The following CABIN1 variants were observed in gnomAD, a reference collection of about 807,000 sequenced individuals.
CABIN1 encodes the protein calcineurin binding protein 1.
CABIN1 carries 133 observed loss-of-function variants against 227.7 expected under a neutral mutation model. That is an observed-to-expected ratio of 0.58 (90% CI 0.51 to 0.67). The LOEUF (loss-of-function observed/expected upper bound fraction) is 0.67. CABIN1 is among the 30% of genes least tolerant of loss of function. The probability of loss-of-function intolerance (pLI) is 0.00; values close to 1 mark genes in which losing one functional copy is unlikely to be tolerated. For synonymous variants in CABIN1, 1,086 were observed against 1,155.1 expected (o/e 0.94, Z 1.21); for missense variants, 2,408 against 2,852.5 (o/e 0.84, Z 3.55).
rs144212664 is a variant in CABIN1, at chr22:24,091,711, G to A, written c.3654G>A (p.Lys1218=). The change falls in exon 24 of 37, where the codon AAG becomes AAA. Residue 1218 remains lysine (K), a synonymous_variant. Coordinates refer to ENST00000263119, the MANE Select transcript of CABIN1 (RefSeq NM_012295.4). ...ACATGCTGGGCAAGGTGGCTGAGAA[G>A]CAGCAGCAGCCACCCACCGTTTACT... ...IHYMLGKVAE[K]QQQPPTVYLL... The A allele has an allele frequency of 6.8e-6, 11 of 1,614,022 alleles. No individual in the cohort carries two copies. In the African/African-American group the frequency reaches 1.3e-4, roughly 20 times the overall value.
intron 20 of CABIN1, 125 bp from the exon 21 acceptor site, chr22:24,084,454 T>C: frequency 1.2e-6 from 1 of 857,432 alleles, no homozygotes; most frequent in Non-Finnish European, 2.0e-6. Flanking sequence ...GGATTTGTTT[T>C]AGGCTCTCCA....
intron 19 of CABIN1, among the ~76,000 whole-genome samples, chr22:24,079,729 C>T (rs1205634272): frequency 6.6e-6 from 1 of 152,144 alleles, no homozygotes. Context: ...ACATGATTTG[C>T]CCATCTTTCT....
chr22:24,095,859 T>G, intron 24 of CABIN1, 72 bp from the exon 25 acceptor site: 1 of 1,567,256 alleles, frequency 6.4e-7, no homozygotes, highest in Non-Finnish European at 8.8e-7. Context: ...ATTTCCAGTG[T>G]GGCTGACTGG....
chr22:24,074,999 C>A (rs1444705256), intron 18 of CABIN1, among the ~76,000 whole-genome samples: 1 of 152,040 alleles, frequency 6.6e-6, no homozygotes, highest in Non-Finnish European at 1.5e-5. Context: ...TTGAAGCCAG[C>A]CCAGGCAACG....
chr22:24,087,747 C>A lies in CABIN1; in HGVS notation c.3525+34C>A. On this transcript the variant is annotated intron_variant, in intron 23 of 36. Transcript: ENST00000263119. ...GGGGTGCTGCAGATGGGCTTGCCAT[C>A]CTTCTGTCCAGACAGAGTGCCCTCA... is the stretch of plus-strand genomic sequence containing the variant. The A allele has an allele frequency of 1.9e-6, 3 of 1,612,022 alleles. 1 individual carries two copies. In the South Asian group the frequency reaches 3.3e-5, roughly 18 times the overall value.
At chr22:24,137,967 G>A (rs2044520007) in intron 29 of CABIN1, among the ~76,000 whole-genome samples, 1 of 152,148 alleles carries the variant, frequency 6.6e-6, no homozygotes, top group Non-Finnish European at 1.5e-5. Flanking sequence ...AAAGGCAGTA[G>A]GTGGGTGCTG....
rs2042131443 is a variant in CABIN1 at position 24,100,348 on chromosome 22, T to C, written c.4117+2156T>C. Among the ~76,000 whole-genome samples, 3 of 152,204 alleles carry C rather than the reference T, an allele frequency of 2.0e-5. No individual in the cohort carries two copies. In the South Asian group the frequency reaches 6.2e-4, roughly 31 times the overall value. ...CATGAAAATGTTTGGGGTCCTAAAA[T>C]AGCTGTGATCTTAGAATGTTAAAGT... On this transcript the variant is annotated intron_variant, in intron 26 of 36. Transcript: ENST00000263119.
At chr22:24,110,256 G>A (rs1169480501) in intron 26 of CABIN1, among the ~76,000 whole-genome samples, 1 of 152,042 alleles carries the variant, frequency 6.6e-6, no homozygotes, top group Non-Finnish European at 1.5e-5. Context: ...GTTGCCTTAG[G>A]GTTAACAAAA....
intron 29 of CABIN1, among the ~76,000 whole-genome samples, chr22:24,149,502 T>C (rs193002728): frequency 9.9e-4 from 150 of 152,144 alleles, no homozygotes; most frequent in African/African-American, 3.4e-3. Flanking sequence ...CTGAGGTCAG[T>C]GGGGGAGAAG....
intron 30 of CABIN1, among the ~76,000 whole-genome samples, chr22:24,165,128 C>G (rs773135048): frequency 2.0e-5 from 3 of 152,236 alleles, no homozygotes; most frequent in Non-Finnish European, 2.9e-5. Context: ...CTGGACTGGG[C>G]CTCCTCCCAT....
chr22:24,068,727 T>C (rs2039873099), intron 16 of CABIN1, among the ~76,000 whole-genome samples: 1 of 152,278 alleles, frequency 6.6e-6, no homozygotes, highest in Non-Finnish European at 1.5e-5. Context: ...ATTGTTTGCT[T>C]TTAAATTGCA....
intron 8 of CABIN1, among the ~76,000 whole-genome samples, chr22:24,052,487 A>G (rs79258226): frequency 3.3e-5 from 5 of 150,736 alleles, no homozygotes; most frequent in African/African-American, 7.3e-5. Context: ...TTTTTAAACA[A>G]TGCTTTAAAA....
rs372869082 is a variant in CABIN1 at position 24,085,054 on chromosome 22, G to A, written c.3166G>A (p.Glu1056Lys). The A allele has an allele frequency of 8.1e-6, 13 of 1,614,064 alleles. No homozygotes were observed. Among genetic ancestry groups the A allele is most frequent in the South Asian group, 7.7e-5 (7 of 91,086 alleles). Reference protein sequence around the residue: ...GADPSPPVVNELYYLLADYHF... With the variant: ...GADPSPPVVNKLYYLLADYHF... ...TGACCCCTCCCCTCCAGTGGTGAACGAGCTTTACTACCTCCTGGCTGATTA... is the reference window on the plus strand; with the variant it reads ...TGACCCCTCCCCTCCAGTGGTGAACAAGCTTTACTACCTCCTGGCTGATTA... The change falls in exon 22 of 37, where the codon GAG becomes AAG. Residue 1056 changes from glutamate (E) to lysine (K), a missense_variant. Around this residue, in one of 3 missense-constraint regions of CABIN1, gnomAD observed 649 missense variants for 910.3 expected, o/e 0.71. Coordinates refer to ENST00000263119, the MANE Select transcript of CABIN1 (RefSeq NM_012295.4).
chr22:24,165,677 A>G (rs1180594238), intron 31 of CABIN1, 51 bp downstream of exon 31: 8 of 1,482,982 alleles, frequency 5.4e-6, no homozygotes, highest in Non-Finnish European at 7.5e-6. Flanking sequence ...CACGCTTCCA[A>G]GCCCTTCCCA....
chr22:24,013,477 G>A (rs1011996604), intron 1 of CABIN1, among the ~76,000 whole-genome samples: 3 of 152,272 alleles, frequency 2.0e-5, no homozygotes, highest in African/African-American at 7.2e-5. Flanking sequence ...GATTATAGGC[G>A]TGAGCCACCA....
At chr22:24,072,291 C>T (rs771509620) in intron 17 of CABIN1, 63 bp from the exon 18 acceptor site, 127 of 1,595,536 alleles carry the variant, frequency 8.0e-5, no homozygotes, top group Admixed American at 2.5e-4. Flanking sequence ...TGCCTCCCTT[C>T]AGTCTGCCCT....
intron 29 of CABIN1, among the ~76,000 whole-genome samples, chr22:24,142,737 C>G (rs2044845472): frequency 6.6e-6 from 1 of 152,218 alleles, no homozygotes; most frequent in East Asian, 1.9e-4. Context: ...CACACCACTC[C>G]AGGCTGCAAG....
At chr22:24,165,378 C>T (rs1021071494) in intron 30 of CABIN1, 152 bp from the exon 31 acceptor site, 2 of 750,612 alleles carry the variant, frequency 2.7e-6, no homozygotes, top group African/African-American at 1.7e-5. Flanking sequence ...GGGGAAGCTT[C>T]TAGGGGAGCA....
Position 24,177,723 on chromosome 22 carries a change from C to T in CABIN1, c.6425C>T (p.Thr2142Ile). The T allele has an allele frequency of 6.2e-7, 1 of 1,612,836 alleles. No homozygotes were observed. Among genetic ancestry groups the T allele is most frequent in the East Asian group, 2.2e-5 (1 of 44,864 alleles). Residue 2142 changes from threonine (T) to isoleucine (I), a missense_variant, in exon 36 of 37, where the codon ACC becomes ATC. This residue lies in a region of CABIN1 where 714 missense variants were observed against 773.8 expected (regional missense o/e 0.92). Transcript: ENST00000263119. The surrounding 1 kb of genome is among the most constrained non-coding windows in gnomAD (Gnocchi z 4.4). ...AAGCTGGTCATCCCCTCCGCCGCCA[C>T]CAAGTTCCCCCCTGAGATCACCGTC... The part of the protein sequence containing the change: ...MPKLVIPSAA[T>I]KFPPEITVTP...
Sources: gnomAD v4.1 joint callset for allele counts (sites outside exome capture counted in the v4.1 genomes callset) on GRCh38, gnomAD v4.1.1 for gene constraint, gnomAD v4.1.1 regional missense constraint, Gnocchi (gnomAD v3.1) non-coding constraint, MANE v1.5 for transcripts, NCBI Gene and HGNC (gene_info 2026-07-23, HGNC 2026-07-21) for gene names.